SLCO1B1: variants seen among roughly 807,000 people sequenced by gnomAD.
SLCO1B1 encodes the protein OATP-2.
SLCO1B1 carries 81 observed loss-of-function variants against 70.1 expected under a neutral mutation model. That is an observed-to-expected ratio of 1.16 (90% CI 0.97 to 1.39). The LOEUF (loss-of-function observed/expected upper bound fraction) is 1.39. Ranked by LOEUF, SLCO1B1 falls within the 40% of genes most tolerant of loss-of-function variation. The pLI is 0.00. For synonymous variants in SLCO1B1, 283 were observed against 271.5 expected (o/e 1.04, Z -0.42); for missense variants, 895 against 799.6 (o/e 1.12, Z -1.44).
chr12:21,225,445 A>T (rs192424977), intron 14 of SLCO1B1, among the ~76,000 whole-genome samples: 126 of 152,342 alleles, frequency 8.3e-4, no homozygotes, highest in African/African-American at 3.0e-3. Context: ...ACTAATTTCA[A>T]ATTCATATAT....
chr12:21,146,916 A>T (rs888347447), intron 2 of SLCO1B1, among the ~76,000 whole-genome samples: 10 of 152,178 alleles, frequency 6.6e-5, no homozygotes, highest in African/African-American at 1.9e-4. Flanking sequence ...ATGAAATAAC[A>T]TATAGATGTT....
intron 7 of SLCO1B1, among the ~76,000 whole-genome samples, chr12:21,183,077 G>A (rs527537870): frequency 6.6e-5 from 10 of 152,318 alleles, no homozygotes; most frequent in African/African-American, 2.2e-4. Context: ...TCTCTTGCCC[G>A]CTGCCACAAG....
intron 2 of SLCO1B1, among the ~76,000 whole-genome samples, chr12:21,157,688 G>C (rs1331869452): frequency 1.0e-4 from 15 of 148,140 alleles, no homozygotes; most frequent in South Asian, 8.5e-4. Context: ...TGCAAGCTCT[G>C]CCTCCCAGGT....
intron 8 of SLCO1B1, among the ~76,000 whole-genome samples, chr12:21,199,381 A>G (rs1871395): frequency 0.19 from 28,539 of 152,066 alleles, 2,989 homozygotes; most frequent in East Asian, 0.44. Flanking sequence ...TCCAAATGAC[A>G]TAATTTCTAC....
intron 14 of SLCO1B1, among the ~76,000 whole-genome samples, chr12:21,232,741 A>AG (rs1555098589): frequency 0.17 from 18,426 of 107,880 alleles, 1,547 homozygotes; most frequent in Non-Finnish European, 0.23. Flanking sequence ...GAGACAGAGA[A>AG]AGACAGAGAC....
At chr12:21,137,275 G>A (rs1940238076) in intron 1 of SLCO1B1, among the ~76,000 whole-genome samples, 1 of 152,144 alleles carries the variant, frequency 6.6e-6, no homozygotes, top group South Asian at 2.1e-4. Flanking sequence ...CTACTCGGGG[G>A]TCAGGGACCC....
In SLCO1B1 at chr12:21,192,722, G is replaced by A. The variant is rs7315147; in HGVS notation, c.728-4224G>A. On this transcript the variant is annotated intron_variant, in intron 7 of 14. Transcript: ENST00000256958. ...TTACTTTTTACTAGCATAATTATGT[G>A]ATATTTATCAGTGTGTACTGAGAGC... Among the ~76,000 whole-genome samples, 506 of 151,986 alleles carry A rather than the reference G, an allele frequency of 3.3e-3. 3 individuals carry two copies. The highest frequency in any genetic ancestry group is 0.012 in the African/African-American group (482 of 41,514).
chr12:21,198,079 T>G (rs1941114671), intron 8 of SLCO1B1, among the ~76,000 whole-genome samples: 1 of 152,148 alleles, frequency 6.6e-6, no homozygotes, highest in Non-Finnish European at 1.5e-5. Flanking sequence ...TTCTTTAAAG[T>G]AAGATGACAA....
At chr12:21,179,580 G>T (rs1210639339) in intron 7 of SLCO1B1, among the ~76,000 whole-genome samples, 6 of 152,086 alleles carry the variant, frequency 3.9e-5, no homozygotes, top group Non-Finnish European at 7.4e-5. Flanking sequence ...CATTCTCAGA[G>T]CATACTTTCC....
chr12:21,196,523 A>G (rs763759978), intron 7 of SLCO1B1, among the ~76,000 whole-genome samples: 1 of 152,176 alleles, frequency 6.6e-6, no homozygotes, highest in Non-Finnish European at 1.5e-5. Context: ...TTGACTCAGT[A>G]GATTTCTTGC....
chr12:21,139,477 A>G (rs1940277234), intron 1 of SLCO1B1, among the ~76,000 whole-genome samples: 1 of 152,154 alleles, frequency 6.6e-6, no homozygotes, highest in Admixed American at 6.6e-5. Flanking sequence ...CATATATGTA[A>G]GTGATAATAT....
At chr12:21,134,094 G>A (rs919375955) in intron 1 of SLCO1B1, among the ~76,000 whole-genome samples, 3 of 152,162 alleles carry the variant, frequency 2.0e-5, no homozygotes, top group Non-Finnish European at 4.4e-5. Context: ...AGATGATCAT[G>A]TAGTTTTTGT....
intron 2 of SLCO1B1, among the ~76,000 whole-genome samples, chr12:21,146,062 T>C (rs1228152741): frequency 6.6e-6 from 1 of 152,148 alleles, no homozygotes; most frequent in Non-Finnish European, 1.5e-5. Flanking sequence ...AATTCAACAG[T>C]GAAACCATGT....
At chr12:21,232,845 G>A (rs1228773124) in intron 14 of SLCO1B1, among the ~76,000 whole-genome samples, 1 of 152,096 alleles carries the variant, frequency 6.6e-6, no homozygotes. Flanking sequence ...TTTCTCTGCA[G>A]CTTCCAGAAG....
intron 2 of SLCO1B1, among the ~76,000 whole-genome samples, chr12:21,170,651 T>C (rs180713973): frequency 1.1e-4 from 17 of 152,336 alleles, no homozygotes; most frequent in Non-Finnish European, 1.9e-4. Context: ...ATTCCCATCA[T>C]CAACTTAATA....
chr12:21,238,861 T>C (rs968026782), intron 14 of SLCO1B1, 118 bp from the exon 15 acceptor site: 100 of 556,656 alleles, frequency 1.8e-4, no homozygotes, highest in Non-Finnish European at 3.0e-4. Flanking sequence ...TTAGAATTAT[T>C]GTCTTAATAT....
intron 2 of SLCO1B1, among the ~76,000 whole-genome samples, chr12:21,161,732 G>T (rs1480734723): frequency 2.0e-5 from 3 of 151,722 alleles, no homozygotes; most frequent in African/African-American, 4.8e-5. Flanking sequence ...AAAAAAAAAA[G>T]ATTTTAGACT....
At chr12:21,232,013 A>ATAGG (rs968753917) in intron 14 of SLCO1B1, among the ~76,000 whole-genome samples, 1 of 152,136 alleles carries the variant, frequency 6.6e-6, no homozygotes, top group African/African-American at 2.4e-5. Context: ...GTATTTTCAA[A>ATAGG]TAGGTGGTAA....
At chr12:21,154,712 G>T (rs146567464) in intron 2 of SLCO1B1, among the ~76,000 whole-genome samples, 10 of 151,392 alleles carry the variant, frequency 6.6e-5, no homozygotes, top group Non-Finnish European at 1.2e-4. Flanking sequence ...TATTCACTTT[G>T]CTTTACAAAT....
Sources: allele counts gnomAD v4.1 joint callset (sites outside exome capture counted in the v4.1 genomes callset), GRCh38; gene constraint gnomAD v4.1.1; transcripts MANE v1.5; gene names NCBI Gene and HGNC (gene_info 2026-07-23, HGNC 2026-07-21).